The following TEX2 variants were observed in gnomAD, a reference collection of about 807,000 sequenced individuals.
TEX2 encodes the protein testis expressed 2.
In TEX2, 53 loss-of-function variants were observed where a neutral mutation model predicts 106.9. That is an observed-to-expected ratio of 0.50 (90% CI 0.40 to 0.62). The LOEUF (loss-of-function observed/expected upper bound fraction) is 0.62, where lower values mean the gene tolerates loss of function less well. Among genes scored for constraint, TEX2 ranks in the 20% least tolerant of loss-of-function variants. The probability of loss-of-function intolerance (pLI) is 0.00; values close to 1 mark genes in which losing one functional copy is unlikely to be tolerated. For missense variants in TEX2, 1,207 were observed against 1,379.0 expected, an observed-to-expected ratio of 0.88 and a Z score of 1.98; for synonymous variants, 523 against 534.8, an observed-to-expected ratio of 0.98 and a Z score of 0.30.
chr17:64,258,311 GGTGTATATA>G (rs2034223398), intron 1 of TEX2, among the ~76,000 whole-genome samples: 1 of 152,120 alleles, frequency 6.6e-6, no homozygotes, highest in African/African-American at 2.4e-5. Flanking sequence ...AAAAAAACGT[GGTGTATATA>G]CGGTTCAGCA....
intron 1 of TEX2, among the ~76,000 whole-genome samples, chr17:64,220,891 T>C (rs533510392): frequency 6.6e-6 from 1 of 152,214 alleles, no homozygotes; most frequent in East Asian, 1.9e-4. Flanking sequence ...CTTATAAAGA[T>C]ACATGCACAC....
intron 6 of TEX2, among the ~76,000 whole-genome samples, chr17:64,173,572 C>T (rs544408793): frequency 6.6e-6 from 1 of 152,210 alleles, no homozygotes; most frequent in African/African-American, 2.4e-5. Flanking sequence ...CTATGACGAA[C>T]AAAACGTGAG....
chr17:64,188,542 C>T (rs1344919571), intron 4 of TEX2, 127 bp from the exon 5 acceptor site: 19 of 1,441,694 alleles, frequency 1.3e-5, no homozygotes, highest in Non-Finnish European at 1.8e-5. Flanking sequence ...AGGGGCTGGG[C>T]ATGGTGGCTC....
intron 1 of TEX2, among the ~76,000 whole-genome samples, chr17:64,227,270 C>T (rs1477654468): frequency 5.4e-5 from 8 of 147,346 alleles, no homozygotes; most frequent in Middle Eastern, 3.6e-3. Flanking sequence ...GGCAAAAAAT[C>T]CCTAGAATAA....
rs1386804107 is a variant in TEX2, at chr17:64,263,192, G to C, written c.-50C>G. The C allele has an allele frequency of 6.6e-6, 1 of 151,884 alleles. No individual in the cohort carries two copies. Among genetic ancestry groups the C allele is most frequent in the Non-Finnish European group, 1.5e-5 (1 of 67,944 alleles). The allele number at this position is 151,884 out of a possible 1,614,324, so 9.4% of individuals were successfully genotyped here. On this transcript the variant is annotated 5_prime_UTR_variant, in exon 1 of 12. Transcript: ENST00000584379. ...CCCAAGATCCGCTGGCTGCCTCATTGTACTATGCCGGCGCCCGTGCTCCCG... is the reference window on the plus strand; with the variant it reads ...CCCAAGATCCGCTGGCTGCCTCATTCTACTATGCCGGCGCCCGTGCTCCCG...
chr17:64,248,993 C>T (rs909367911), intron 1 of TEX2, among the ~76,000 whole-genome samples: 1 of 151,646 alleles, frequency 6.6e-6, no homozygotes, highest in Non-Finnish European at 1.5e-5. Context: ...CGAGATTACG[C>T]CACTGCACTT....
Position 64,213,291 on chromosome 17 carries a change from T to C in TEX2, c.927A>G (p.Ile309Met). ...GCCTATGGCTGCCACTTTCTTCCCC[T>C]ATAATTTTACTAAGGAGCTGAAAAG... ...YEPFQLLSKI[I>M]GEESGSHRPK... The change falls in exon 2 of 12, where the codon ATA becomes ATG. Residue 309 changes from isoleucine (I) to methionine (M), a missense_variant. This residue lies in a region of TEX2 where 1,067 missense variants were observed against 1,193.6 expected (regional missense o/e 0.89). Transcript: ENST00000584379. The surrounding 1 kb of genome is among the most constrained non-coding windows in gnomAD (Gnocchi z 4.4). 1.9e-6 allele frequency: 3 copies of C among 1,614,134 alleles called. No individual in the cohort carries two copies. Among genetic ancestry groups the C allele is most frequent in the Non-Finnish European group, 1.7e-6 (2 of 1,180,036 alleles).
chr17:64,232,591 T>A lies in TEX2; in HGVS notation c.-25-18349A>T, dbSNP rs571245738. Among the ~76,000 whole-genome samples the A allele has an allele frequency of 4.1e-4, 63 of 152,270 alleles. 1 individual carries two copies. The highest frequency in any genetic ancestry group is 1.4e-3 in the African/African-American group (58 of 41,564). Reference sequence around the variant, plus strand: ...TAGTCAAGGGCACTCACATTCAAGGTCAACCTCATTCTAAAGGTAGTGGGA... The same window carrying A: ...TAGTCAAGGGCACTCACATTCAAGGACAACCTCATTCTAAAGGTAGTGGGA... On this transcript the variant is annotated intron_variant, in intron 1 of 11. Coordinates refer to ENST00000584379, the MANE Select transcript of TEX2 (RefSeq NM_001288732.2).
At chr17:64,226,057 C>A (rs116117512) in intron 1 of TEX2, among the ~76,000 whole-genome samples, 4,818 of 152,248 alleles carry the variant, frequency 0.032, 128 homozygotes, top group South Asian at 0.1. Context: ...CATGGGGTAA[C>A]ATGTTAACAA....
chr17:64,225,192 C>G (rs1598203360), intron 1 of TEX2, among the ~76,000 whole-genome samples: 1 of 151,984 alleles, frequency 6.6e-6, no homozygotes, highest in Non-Finnish European at 1.5e-5. Context: ...TGGCTCAAGC[C>G]TGTAATTCCA....
At chr17:64,228,681 C>T (rs1357525173) in intron 1 of TEX2, among the ~76,000 whole-genome samples, 9 of 152,086 alleles carry the variant, frequency 5.9e-5, no homozygotes, top group African/African-American at 2.2e-4. Context: ...TGGTGTGCAG[C>T]CTGGTTCCTA....
rs7214189 is a variant in TEX2 at position 64,173,577 on chromosome 17, C to T, written c.2572-2378G>A. ...GTTATAATGTCTATGACGAACAAAA[C>T]GTGAGTAGACAGTGTTCAAAGGCAT... On this transcript the variant is annotated intron_variant, in intron 6 of 11. Coordinates refer to ENST00000584379, the MANE Select transcript of TEX2 (RefSeq NM_001288732.2). Among the ~76,000 whole-genome samples, 1,056 of 152,230 alleles carry T rather than the reference C, an allele frequency of 6.9e-3. 12 individuals are homozygous for T. The highest frequency in any genetic ancestry group is 0.025 in the African/African-American group (1,031 of 41,542).
intron 1 of TEX2, among the ~76,000 whole-genome samples, chr17:64,237,140 G>C (rs1555635211): frequency 6.6e-6 from 1 of 152,230 alleles, no homozygotes; most frequent in Non-Finnish European, 1.5e-5. Flanking sequence ...CCCTGAACAA[G>C]TGGGCATTGG....
At chr17:64,156,664 C>G (rs2030644292) in intron 8 of TEX2, among the ~76,000 whole-genome samples, 2 of 152,242 alleles carry the variant, frequency 1.3e-5, no homozygotes, top group Non-Finnish European at 2.9e-5. Flanking sequence ...TCACACGCCC[C>G]TCTCAGAAGA....
chr17:64,170,789 C>A (rs573089567), intron 7 of TEX2, among the ~76,000 whole-genome samples: 1 of 151,992 alleles, frequency 6.6e-6, no homozygotes, highest in Non-Finnish European at 1.5e-5. Context: ...CCCGCCACCA[C>A]GCCCGACTAA....
Position 64,212,915 on chromosome 17 carries a change from T to C in TEX2, c.1303A>G (p.Lys435Glu). ...GGAATATCTGAGAGCTTATCAACTT[T>C]ACTCTCCCCCTCCGTTTCCAAATCG... ...DFDLETEGES[K>E]VDKLSDIPLK... The change falls in exon 2 of 12, where the codon AAA becomes GAA. Residue 435 changes from lysine to glutamate, a missense_variant. Transcript: ENST00000584379. 6.2e-7 allele frequency: 1 copy of C among 1,614,234 alleles called. No individual in the cohort carries two copies. Among genetic ancestry groups the C allele is most frequent in the Non-Finnish European group, 8.5e-7 (1 of 1,180,040 alleles).
chr17:64,218,761 G>C (rs1466557541), intron 1 of TEX2, among the ~76,000 whole-genome samples: 1 of 152,030 alleles, frequency 6.6e-6, no homozygotes. Context: ...AACATCCAGG[G>C]CTGGCCAGCG....
chr17:64,188,158 C>A lies in TEX2; in HGVS notation c.2424+10G>T, dbSNP rs1300026645. On this transcript the variant is annotated intron_variant, in intron 5 of 11. Coordinates refer to ENST00000584379, the MANE Select transcript of TEX2 (RefSeq NM_001288732.2). ...AAGTGAAAAAGGTCCGGCCCAGCAG[C>A]CAGCTTTACCTTCTTCCCAGCTGTG... The A allele has an allele frequency of 6.2e-7, 1 of 1,601,370 alleles. No individual in the cohort carries two copies. Among genetic ancestry groups the A allele is most frequent in the Non-Finnish European group, 8.5e-7 (1 of 1,176,926 alleles).
In TEX2 at chr17:64,153,140, T is replaced by C; in HGVS notation, c.2945A>G (p.His982Arg). 1 of 1,613,794 alleles carries C rather than the reference T, an allele frequency of 6.2e-7. No individual in the cohort carries two copies. The highest frequency in any genetic ancestry group is 8.5e-7 in the Non-Finnish European group (1 of 1,179,734). ...AAACCTCATAATCTTACTTGTTCGA[T>C]GACCTCCAACGTACCTTCAAATGTG... ...LPGAEGYVGG[H>R]RTSKIMRFVD... is the part of the protein sequence containing the mutation. The change falls in exon 10 of 12, where the codon CAT becomes CGT. Residue 982 changes from histidine (H) to arginine (R), a missense_variant. His to Arg is a conservative substitution (Grantham distance 29, BLOSUM62 0). Around this residue, in one of 3 missense-constraint regions of TEX2, gnomAD observed 63 missense variants for 112.2 expected, o/e 0.56. Coordinates refer to ENST00000584379, the MANE Select transcript of TEX2 (RefSeq NM_001288732.2). This position sits in a 1 kb window ranked among gnomAD's most constrained non-coding sequence, Gnocchi z 4.1.
Sources: allele counts gnomAD v4.1 joint callset (sites outside exome capture counted in the v4.1 genomes callset), GRCh38; gene constraint gnomAD v4.1.1; regional missense constraint gnomAD v4.1.1; non-coding constraint Gnocchi (gnomAD v3.1); transcripts MANE v1.5; gene names NCBI Gene and HGNC (gene_info 2026-07-23, HGNC 2026-07-21).